The following WDFY3 variants were observed in gnomAD, a reference collection of about 807,000 sequenced individuals.
The protein encoded by WDFY3 is WD repeat and FYVE domain-containing protein 3.
WDFY3 carries 66 observed loss-of-function variants against 409.6 expected under a neutral mutation model. The observed-to-expected ratio is 0.16, with a 90% CI of 0.13 to 0.20. The LOEUF is 0.20. WDFY3 is among the 10% of genes least tolerant of loss of function. The pLI is 1.00. For synonymous variants in WDFY3, 1,521 were observed against 1,537.1 expected (o/e 0.99, Z 0.25); for missense variants, 3,031 against 4,298.1 (o/e 0.71, Z 8.24).
intron 24 of WDFY3, among the ~76,000 whole-genome samples, chr4:84,784,891 T>TATATATATATACACAC (rs1238884117): frequency 5.4e-5 from 2 of 36,930 alleles, no homozygotes; most frequent in African/African-American, 1.5e-4. Context: ...TATATATATA[T>TATATATATATACACAC]ACACACACAC....
intron 44 of WDFY3, among the ~76,000 whole-genome samples, chr4:84,727,867 T>C (rs1735920581): frequency 6.6e-6 from 1 of 152,202 alleles, no homozygotes; most frequent in African/African-American, 2.4e-5. Flanking sequence ...AGCAAACTTG[T>C]AAAGGTATAT....
chr4:84,703,869 A>T (rs1731488872), intron 55 of WDFY3, among the ~76,000 whole-genome samples: 1 of 152,172 alleles, frequency 6.6e-6, no homozygotes, highest in Non-Finnish European at 1.5e-5. Flanking sequence ...TGTCTCCTTC[A>T]ACTGAATTAC....
At chr4:84,918,116 C>T (rs1768748629) in intron 2 of WDFY3, among the ~76,000 whole-genome samples, 1 of 152,090 alleles carries the variant, frequency 6.6e-6, no homozygotes, top group Non-Finnish European at 1.5e-5. Flanking sequence ...GAATGCAAAA[C>T]AGTACAAACC....
intron 5 of WDFY3, among the ~76,000 whole-genome samples, chr4:84,842,224 C>G (rs900744171): frequency 2.6e-5 from 4 of 152,112 alleles, no homozygotes; most frequent in African/African-American, 9.7e-5. Flanking sequence ...CACCTGTAAT[C>G]CCAGCACTTT....
rs146013372 is a variant in WDFY3 at position 84,809,950 on chromosome 4, G to A, written c.2282C>T (p.Thr761Met). 87 of 1,613,996 alleles carry A rather than the reference G, an allele frequency of 5.4e-5. 2 individuals are homozygous for A. Among genetic ancestry groups the A allele is most frequent in the African/African-American group, 3.9e-4 (29 of 74,906 alleles). ...AAAAAGTTTACTGCAGTGCCGTAAC[G>A]TGGGTGACACTGATTCTATTGAGAT... ...DVISIESVSPTLRHCSKLFIY... is the reference protein window; with the variant it reads ...DVISIESVSPMLRHCSKLFIY... Residue 761 changes from threonine to methionine, a missense_variant, in exon 14 of 68, where the codon ACG (threonine) becomes ATG (methionine). By Grantham distance (81) the Thr-to-Met change is moderately conservative. Coordinates refer to ENST00000295888, the MANE Select transcript of WDFY3 (RefSeq NM_014991.6).
intron 4 of WDFY3, among the ~76,000 whole-genome samples, chr4:84,854,417 T>C (rs1451304087): frequency 1.3e-5 from 2 of 152,202 alleles, no homozygotes; most frequent in Non-Finnish European, 2.9e-5. Context: ...GTAGTTTTGG[T>C]GATTGACTTC....
At chr4:84,950,900 A>C (rs1376677351) in intron 1 of WDFY3, among the ~76,000 whole-genome samples, 2 of 152,234 alleles carry the variant, frequency 1.3e-5, no homozygotes, top group Non-Finnish European at 2.9e-5. Flanking sequence ...TACTCAGCTT[A>C]TACTGCAATA....
At chr4:84,963,419 C>A in intron 1 of WDFY3, among the ~76,000 whole-genome samples, 1 of 144,422 alleles carries the variant, frequency 6.9e-6, no homozygotes, top group African/African-American at 2.6e-5. Flanking sequence ...AGCAAGACTC[C>A]ATCTCAAAAG....
At chr4:84,767,957 C>T (rs1452676373) in intron 30 of WDFY3, among the ~76,000 whole-genome samples, 1 of 152,122 alleles carries the variant, frequency 6.6e-6, no homozygotes. Flanking sequence ...TTAGCACACA[C>T]CTATAGTCCC....
At chr4:84,766,683 T>C (rs1743704923) in intron 30 of WDFY3, among the ~76,000 whole-genome samples, 1 of 152,204 alleles carries the variant, frequency 6.6e-6, no homozygotes, top group African/African-American at 2.4e-5. Flanking sequence ...TGAATAAAAA[T>C]AATAATCACC....
rs1393287622 is a variant in WDFY3 at position 84,943,845 on chromosome 4, A to T, written c.-225-11482T>A. ...GTCTTTACACTACCAGTCATGAGCC[A>T]TTCATTGTGTTGGGTCCCTACCAGA... On this transcript the variant is annotated intron_variant, in intron 1 of 67. Transcript: ENST00000295888. Among the ~76,000 whole-genome samples, 5 of 152,208 alleles carry T rather than the reference A, an allele frequency of 3.3e-5. No individual in the cohort carries two copies. The East Asian group carries it at 9.6e-4, about 29-fold the overall frequency.
At chr4:84,753,953 T>C (rs1401904870) in intron 34 of WDFY3, 77 bp from the exon 35 acceptor site, 1 of 1,392,598 alleles carries the variant, frequency 7.2e-7, no homozygotes, top group Admixed American at 3.1e-5. Context: ...AATCCATTAC[T>C]CAGTATTCTT....
intron 3 of WDFY3, among the ~76,000 whole-genome samples, chr4:84,890,294 T>G (rs1764769062): frequency 6.6e-6 from 1 of 152,136 alleles, no homozygotes; most frequent in Non-Finnish European, 1.5e-5. Context: ...GAGACAGAGT[T>G]TCACTATGTT....
At chr4:84,690,688 A>T in intron 60 of WDFY3, 24 bp from the exon 61 acceptor site, 1 of 1,596,478 alleles carries the variant, frequency 6.3e-7, no homozygotes, top group Non-Finnish European at 8.5e-7. Flanking sequence ...CGGATGTGAG[A>T]CACACATGCC....
Position 84,789,838 on chromosome 4 carries a change from T to C in WDFY3, c.3557A>G (p.Glu1186Gly). ...ATGCCACTGTCCCTCAATGATAAGC[T>C]CTCCACATCGAAAGCGAGCACAGCA... ...LPCCARFRCG[E>G]LIIEGQWHHL... Residue 1186 changes from glutamate to glycine, a missense_variant, in exon 22 of 68, where the codon GAG (glutamate) becomes GGG (glycine). By Grantham distance (98) the Glu-to-Gly change is moderately conservative. Transcript: ENST00000295888. 1.9e-6 allele frequency: 3 copies of C among 1,613,828 alleles called. No individual in the cohort carries two copies. The highest frequency in any genetic ancestry group is 2.5e-6 in the Non-Finnish European group (3 of 1,179,998).
chr4:84,832,962 T>A (rs911079293), intron 7 of WDFY3, among the ~76,000 whole-genome samples: 2 of 152,000 alleles, frequency 1.3e-5, no homozygotes, highest in Admixed American at 1.3e-4. Flanking sequence ...ATTTTGAAAT[T>A]TTTTCAATTT....
Position 84,948,553 on chromosome 4 carries a change from T to C in WDFY3, c.-225-16190A>G, listed in dbSNP as rs557011433. ...ACCAATACGGACTTGTGATAGAAGA[T>C]GTTTTTGCAGTTTCGCCCCAATCTT... On this transcript the variant is annotated intron_variant, in intron 1 of 67. Coordinates refer to ENST00000295888, the MANE Select transcript of WDFY3 (RefSeq NM_014991.6). 9.8e-5 allele frequency among the ~76,000 whole-genome samples: 15 copies of C among 152,350 alleles called. No homozygotes were observed. The East Asian group carries it at 2.9e-3, about 29-fold the overall frequency.
chr4:84,680,863 A>G (rs977493864), intron 64 of WDFY3, among the ~76,000 whole-genome samples: 1 of 152,168 alleles, frequency 6.6e-6, no homozygotes, highest in South Asian at 2.1e-4. Flanking sequence ...TATATCAGGG[A>G]CTTGAGCATT....
rs1280522492 is a variant in WDFY3, at chr4:84,817,562, C to T, written c.1717G>A (p.Ala573Thr). 3.7e-6 allele frequency: 6 copies of T among 1,604,088 alleles called. No individual in the cohort carries two copies. Among genetic ancestry groups the T allele is most frequent in the Non-Finnish European group, 5.1e-6 (6 of 1,175,470 alleles). ...NAGIFREFGG[A>T]RCAHNIVKYP... ...TTTACTATATTATGTGCACATCTTG[C>T]ACCTCCAAATTCTCGAAAAATTCCT... Residue 573 changes from alanine to threonine, a missense_variant, in exon 13 of 68, where the codon GCA (alanine) becomes ACA (threonine). Physicochemically the swap from Ala to Thr is moderately conservative, Grantham distance 58. Coordinates refer to ENST00000295888, the MANE Select transcript of WDFY3 (RefSeq NM_014991.6).
Sources: gnomAD v4.1 joint callset for allele counts (sites outside exome capture counted in the v4.1 genomes callset) on GRCh38, gnomAD v4.1.1 for gene constraint, MANE v1.5 for transcripts, NCBI Gene and HGNC (gene_info 2026-07-23, HGNC 2026-07-21) for gene names.